Variants in PARN observed in about 807,000 individuals in gnomAD.
The protein encoded by PARN is poly(A)-specific ribonuclease.
In PARN, 71 loss-of-function variants were observed where a neutral mutation model predicts 102.8. The ratio of observed to expected loss-of-function variants is 0.69; its 90% CI spans 0.57 to 0.84. The LOEUF (loss-of-function observed/expected upper bound fraction) is 0.84, where lower values mean the gene tolerates loss of function less well. PARN is among the 40% of genes least tolerant of loss of function. PARN has a pLI of 0.00. For synonymous variants in PARN, 261 were observed against 252.9 expected (o/e 1.03, Z -0.30); for missense variants, 782 against 760.9 (o/e 1.03, Z -0.33).
chr16:14,521,289 C>T (rs1170802889), intron 21 of PARN, among the ~76,000 whole-genome samples: 1 of 152,214 alleles, frequency 6.6e-6, no homozygotes, highest in East Asian at 1.9e-4. Flanking sequence ...AACTCAACCT[C>T]TTGCAGCCGT....
intron 2 of PARN, 75 bp downstream of exon 2, chr16:14,629,522 T>G: frequency 9.2e-7 from 1 of 1,086,212 alleles, no homozygotes. Flanking sequence ...GCATAAGAAG[T>G]TGGGGGCTGG....
At chr16:14,577,672 T>C (rs1177060070) in intron 18 of PARN, among the ~76,000 whole-genome samples, 1 of 152,050 alleles carries the variant, frequency 6.6e-6, no homozygotes, top group East Asian at 1.9e-4. Flanking sequence ...CTTACATTTA[T>C]TTATTTATTT....
At chr16:14,524,263 G>C (rs937443350) in intron 21 of PARN, among the ~76,000 whole-genome samples, 1 of 152,036 alleles carries the variant, frequency 6.6e-6, no homozygotes, top group South Asian at 2.1e-4. Context: ...TTTCTTATTA[G>C]TAAGCTCTCG....
At chr16:14,480,767 A>G (rs1418773012) in intron 22 of PARN, among the ~76,000 whole-genome samples, 4 of 151,932 alleles carry the variant, frequency 2.6e-5, no homozygotes, top group Non-Finnish European at 5.9e-5. Flanking sequence ...GTGGCAAAAC[A>G]TCGTCTCTAC....
intron 21 of PARN, among the ~76,000 whole-genome samples, chr16:14,533,364 C>T (rs1966457537): frequency 6.7e-6 from 1 of 149,096 alleles, no homozygotes; most frequent in Non-Finnish European, 1.5e-5. Context: ...CAGTACAGTC[C>T]AGCTTCGGCT....
chr16:14,505,571 A>G (rs1397124055), intron 21 of PARN, among the ~76,000 whole-genome samples: 2 of 152,160 alleles, frequency 1.3e-5, no homozygotes, highest in African/African-American at 4.8e-5. Context: ...GGATTAATCT[A>G]AGCATCATTT....
chr16:14,626,440 C>T (rs1972666237), intron 5 of PARN, among the ~76,000 whole-genome samples: 1 of 152,196 alleles, frequency 6.6e-6, no homozygotes. Flanking sequence ...TAAACCACCA[C>T]ATCCAGCCAA....
intron 22 of PARN, among the ~76,000 whole-genome samples, chr16:14,455,435 T>C (rs1193494396): frequency 6.6e-6 from 1 of 152,214 alleles, no homozygotes; most frequent in Non-Finnish European, 1.5e-5. Flanking sequence ...CTCTTTACAT[T>C]TCTCCTGTAA....
At chr16:14,611,521 T>C (rs937544314) in intron 6 of PARN, among the ~76,000 whole-genome samples, 4 of 152,136 alleles carry the variant, frequency 2.6e-5, no homozygotes, top group Non-Finnish European at 4.4e-5. Flanking sequence ...AGAGCTCAGA[T>C]CAGAGGTCAG....
At chr16:14,627,076 G>T in intron 5 of PARN, 30 bp downstream of exon 5, 1 of 1,325,116 alleles carries the variant, frequency 7.5e-7, no homozygotes, top group East Asian at 2.3e-5. Flanking sequence ...CAGCAATTCA[G>T]AAAAGAAAAA....
intron 23 of PARN, among the ~76,000 whole-genome samples, chr16:14,445,393 G>C (rs1961151786): frequency 6.6e-6 from 1 of 152,200 alleles, no homozygotes; most frequent in Admixed American, 6.6e-5. Context: ...TGCATTCATA[G>C]CTTGGGTATG....
rs542855919 is a variant in PARN at position 14,510,775 on chromosome 16, G to A, written c.1481-27948C>T. Among the ~76,000 whole-genome samples, 52 of 152,320 alleles carry A rather than the reference G, an allele frequency of 3.4e-4. 1 individual carries two copies. In the South Asian group the frequency reaches 0.011, roughly 31 times the overall value. ...GAAGTCCTGCCACCCCCATCTATGT[G>A]ACATGGTGTTTTGACTTTGCCATGC... On this transcript the variant is annotated intron_variant, in intron 21 of 23. Transcript: ENST00000437198.
At chr16:14,464,596 A>C (rs1414781117) in intron 22 of PARN, among the ~76,000 whole-genome samples, 1 of 152,052 alleles carries the variant, frequency 6.6e-6, no homozygotes, top group Non-Finnish European at 1.5e-5. Context: ...TCTCTACTAA[A>C]ATATACAAAA....
At chr16:14,499,323 A>C (rs1964469730) in intron 21 of PARN, among the ~76,000 whole-genome samples, 1 of 152,136 alleles carries the variant, frequency 6.6e-6, no homozygotes, top group South Asian at 2.1e-4. Context: ...GAAAGTAGGG[A>C]GAGGGAGAGA....
intron 21 of PARN, among the ~76,000 whole-genome samples, chr16:14,534,833 ATTTTTTT>A (rs553597929): frequency 7.0e-6 from 1 of 142,262 alleles, no homozygotes; most frequent in South Asian, 2.3e-4. Flanking sequence ...TCATTTCTAA[ATTTTTTT>A]TTTTTTTTTT....
At chr16:14,593,491 TTAAAAAAAAAAA>T (rs988089276) in intron 12 of PARN, 113 bp from the exon 13 acceptor site, 1 of 27,438 alleles carries the variant, frequency 3.6e-5, no homozygotes, top group African/African-American at 1.5e-4. Context: ...CTTTCCAGAC[TTAAAAAAAAAAA>T]AAAAAAAAAA....
intron 5 of PARN, among the ~76,000 whole-genome samples, chr16:14,625,453 T>C (rs558411738): frequency 3.3e-5 from 5 of 152,184 alleles, no homozygotes; most frequent in African/African-American, 1.2e-4. Flanking sequence ...GCCTAGATCA[T>C]GCCATCACAC....
chr16:14,573,203 C>CAACT (rs1230316698), intron 18 of PARN, among the ~76,000 whole-genome samples: 1 of 152,058 alleles, frequency 6.6e-6, no homozygotes, highest in Non-Finnish European at 1.5e-5. Context: ...TTTTAATTAA[C>CAACT]AACTAAAAAT....
rs534047272 is a variant in PARN, at chr16:14,548,141, G to A, written c.1480+3880C>T. On this transcript the variant is annotated intron_variant, in intron 21 of 23. Transcript: ENST00000437198. ...CACGCACCTGTAGTCCCAGCTACTCGGGAGGCTGAGGCAGGAGACTCGCTT... is the reference window on the plus strand; with the variant it reads ...CACGCACCTGTAGTCCCAGCTACTCAGGAGGCTGAGGCAGGAGACTCGCTT... Among the ~76,000 whole-genome samples the A allele has an allele frequency of 6.6e-5, 10 of 151,946 alleles. No homozygotes were observed. The East Asian group carries it at 9.7e-4, about 15-fold the overall frequency.
Sources: gnomAD v4.1 joint callset for allele counts (sites outside exome capture counted in the v4.1 genomes callset) on GRCh38, gnomAD v4.1.1 for gene constraint, MANE v1.5 for transcripts, NCBI Gene and HGNC (gene_info 2026-07-23, HGNC 2026-07-21) for gene names.